Variants in ATP8B3 observed in about 807,000 individuals in gnomAD.
ATP8B3 encodes the protein phospholipid-transporting ATPase IK.
A neutral mutation model predicts 140.9 loss-of-function variants in ATP8B3; 141 were observed. The observed-to-expected ratio is 1.00, with a 90% CI of 0.87 to 1.15. ATP8B3 has a LOEUF of 1.15. Ranked by LOEUF, ATP8B3 falls within the 50% of genes most tolerant of loss-of-function variation. The probability of loss-of-function intolerance (pLI) is 0.00; values close to 1 mark genes in which losing one functional copy is unlikely to be tolerated. For synonymous variants in ATP8B3, 765 were observed against 714.6 expected, an observed-to-expected ratio of 1.07 and a Z score of -1.13; for missense variants, 1,874 against 1,740.6, an observed-to-expected ratio of 1.08 and a Z score of -1.36.
intron 2 of ATP8B3, 144 bp from the exon 3 acceptor site, chr19:1,810,827 T>A: frequency 1.4e-6 from 1 of 735,640 alleles, no homozygotes; most frequent in Non-Finnish European, 2.1e-6. Context: ...CGCCAGGCTC[T>A]GAATGTCCAG....
At position 1,806,289 on chromosome 19, in the gene ATP8B3, G is replaced by A. The variant is rs946524735; in HGVS notation, c.678-120C>T. 15 of 1,497,608 alleles carry A rather than the reference G, an allele frequency of 1.0e-5. No homozygotes were observed. The Admixed American group carries it at 3.2e-4, about 32-fold the overall frequency. The allele number at this position is 1,497,608 out of a possible 1,614,324, so 92.8% of individuals were successfully genotyped here. On this transcript the variant is annotated intron_variant, in intron 7 of 28. Coordinates refer to ENST00000310127, the MANE Select transcript of ATP8B3 (RefSeq NM_138813.4). The surrounding 1 kb of genome is among the most constrained non-coding windows in gnomAD (Gnocchi z 5.6). The stretch of plus-strand genomic sequence containing the variant: ...CTGCAGTCCCCACCTCCGGGCCTTT[G>A]CCCCCTCAGGAAGCCTTCCCCGGGC...
At chr19:1,803,316 C>G (rs902365503) in intron 10 of ATP8B3, among the ~76,000 whole-genome samples, 2 of 152,186 alleles carry the variant, frequency 1.3e-5, no homozygotes, top group Non-Finnish European at 2.9e-5. Context: ...CCTCACCTGC[C>G]TCCCCATCGC....
chr19:1,796,630 C>T, intron 16 of ATP8B3, 81 bp downstream of exon 16: 2 of 1,502,082 alleles, frequency 1.3e-6, no homozygotes, highest in South Asian at 1.3e-5. Flanking sequence ...GGAAGATGGG[C>T]CGGGTGAGCT....
rs1297962602 is a variant in ATP8B3, at chr19:1,805,162, A to G, written c.904+212T>C. Reference sequence around the variant, plus strand: ...AGCTACTTGTTTTATTTTTGTAGAGATGGGGTCTCGTTATGTTGTCCAGGC... The same window carrying G: ...AGCTACTTGTTTTATTTTTGTAGAGGTGGGGTCTCGTTATGTTGTCCAGGC... On this transcript the variant is annotated intron_variant, in intron 10 of 28. Coordinates refer to ENST00000310127, the MANE Select transcript of ATP8B3 (RefSeq NM_138813.4). This position sits in a 1 kb window ranked among gnomAD's most constrained non-coding sequence, Gnocchi z 5.2. 1 of 564,476 alleles carries G rather than the reference A, an allele frequency of 1.8e-6. No individual in the cohort carries two copies. Among genetic ancestry groups the G allele is most frequent in the South Asian group, 1.8e-5 (1 of 54,096 alleles). 35.0% of individuals were successfully genotyped at this position (564,476 alleles called of 1,614,324 possible).
chr19:1,787,934 A>G (rs752872670), intron 24 of ATP8B3, among the ~76,000 whole-genome samples: 34 of 150,578 alleles, frequency 2.3e-4, no homozygotes, highest in Non-Finnish European at 4.0e-4. Flanking sequence ...CTCAGCCACT[A>G]GAGGGGCTGA....
In ATP8B3 at chr19:1,805,889, C is replaced by T. The variant is rs377265267; in HGVS notation, c.820G>A (p.Gly274Arg). The part of the protein sequence containing the change: ...LCYVETVDID[G>R]ETNLKFRQAL... ...CCCAGCGATGCCACAGCTCCTCACC[C>T]GTCAATGTCCACCGTCTCCACATAG... Residue 274 changes from glycine to arginine, a missense_variant and splice_region_variant, in exon 9 of 29, where the codon GGG becomes AGG. Physicochemically the swap from Gly to Arg is moderately radical, Grantham distance 125 (BLOSUM62 -2). This residue lies in a region of ATP8B3 where 1,032 missense variants were observed against 963.6 expected (regional missense o/e 1.07). Transcript: ENST00000310127. This position sits in a 1 kb window ranked among gnomAD's most constrained non-coding sequence, Gnocchi z 5.2. The T allele has an allele frequency of 1.5e-5, 24 of 1,612,908 alleles. No homozygotes were observed. The highest frequency in any genetic ancestry group is 1.1e-4 in the South Asian group (10 of 91,088).
rs1221910012 is a variant in ATP8B3 at position 1,807,702 on chromosome 19, A to T, written c.517-436T>A. Among the ~76,000 whole-genome samples, 1 of 152,146 alleles carries T rather than the reference A, an allele frequency of 6.6e-6. No homozygotes were observed. Among genetic ancestry groups the T allele is most frequent in the Non-Finnish European group, 1.5e-5 (1 of 67,958 alleles). On this transcript the variant is annotated intron_variant, in intron 5 of 28. Transcript: ENST00000310127. The surrounding 1 kb of genome is among the most constrained non-coding windows in gnomAD (Gnocchi z 5.9). Reference sequence around the variant, plus strand: ...CCATTAATGCTGAATGACTCGATGGATGAAAGGAGAACCTCTCCATCCAGA... The same window carrying T: ...CCATTAATGCTGAATGACTCGATGGTTGAAAGGAGAACCTCTCCATCCAGA...
intron 14 of ATP8B3, among the ~76,000 whole-genome samples, chr19:1,797,259 C>T (rs1183358150): frequency 2.6e-5 from 4 of 151,722 alleles, no homozygotes; most frequent in East Asian, 1.9e-4. Flanking sequence ...CAGCCTGGAG[C>T]CGGATGCGGC....
chr19:1,799,954 G>T lies in ATP8B3; in HGVS notation c.1545C>A (p.Arg515=). The T allele has an allele frequency of 6.3e-7, 1 of 1,595,264 alleles. No individual in the cohort carries two copies. The part of the protein sequence containing the change: ...LTFNKCCISG[R]VYGPDSEATT... Reference sequence around the variant, plus strand: ...CAGGTGTCGGGGCCGCACCATAGACGCGGCCGCTGATGCAGCACTTGTTGA... The same window carrying T: ...CAGGTGTCGGGGCCGCACCATAGACTCGGCCGCTGATGCAGCACTTGTTGA... The change falls in exon 14 of 29, where the codon CGC becomes CGA. Residue 515 remains arginine, a synonymous_variant. Coordinates refer to ENST00000310127, the MANE Select transcript of ATP8B3 (RefSeq NM_138813.4).
intron 10 of ATP8B3, among the ~76,000 whole-genome samples, chr19:1,804,114 A>G (rs1255877153): frequency 6.6e-6 from 1 of 152,192 alleles, no homozygotes; most frequent in East Asian, 1.9e-4. Flanking sequence ...AAGAAAACCA[A>G]ACAAAACTGT....
chr19:1,792,176 C>T (rs895583654), intron 18 of ATP8B3, 41 bp from the exon 19 acceptor site: 11 of 1,525,154 alleles, frequency 7.2e-6, no homozygotes, highest in Admixed American at 4.0e-5. Context: ...ATGCTGAAGC[C>T]GACATCCGAG....
Position 1,807,987 on chromosome 19 carries a change from C to T in ATP8B3, c.516+235G>A, listed in dbSNP as rs1231614099. On this transcript the variant is annotated intron_variant, in intron 5 of 28. Transcript: ENST00000310127. The surrounding 1 kb of genome is among the most constrained non-coding windows in gnomAD (Gnocchi z 5.9). ...CCCAGCCCTGCCCAGCAGGAACCAGCGGGGCGTGGAGAGGGTGCCGTCATC... is the reference window on the plus strand; with the variant it reads ...CCCAGCCCTGCCCAGCAGGAACCAGTGGGGCGTGGAGAGGGTGCCGTCATC... 6.6e-6 allele frequency among the ~76,000 whole-genome samples: 1 copy of T among 152,216 alleles called. No homozygotes were observed. The highest frequency in any genetic ancestry group is 1.9e-4 in the East Asian group (1 of 5,184).
At position 1,783,273 on chromosome 19, in the gene ATP8B3, G is replaced by A; in HGVS notation, c.3661-3C>T. 1.2e-6 allele frequency: 2 copies of A among 1,605,930 alleles called. No homozygotes were observed. The highest frequency in any genetic ancestry group is 1.7e-6 in the Non-Finnish European group (2 of 1,176,332). On this transcript the variant is annotated splice_region_variant and splice_polypyrimidine_tract_variant and intron_variant, in intron 28 of 28. Coordinates refer to ENST00000310127, the MANE Select transcript of ATP8B3 (RefSeq NM_138813.4). ...GGGCCCTCCTCCACCTTCTCCTCCT[G>A]AAGAGCAAAGGGGAGAGCAGGGGAA...
intron 23 of ATP8B3, 95 bp from the exon 24 acceptor site, chr19:1,789,215 C>CAA: frequency 1.2e-6 from 1 of 851,630 alleles, no homozygotes; most frequent in Non-Finnish European, 1.7e-6. Context: ...ATCAGCCCCC[C>CAA]CCATCTGCTT....
In ATP8B3 at chr19:1,806,595, C is replaced by A; in HGVS notation, c.677+33G>T. 1 of 1,550,974 alleles carries A rather than the reference C, an allele frequency of 6.4e-7. No homozygotes were observed. The highest frequency in any genetic ancestry group is 1.2e-5 in the South Asian group (1 of 84,084). On this transcript the variant is annotated intron_variant, in intron 7 of 28. Transcript: ENST00000310127. This position sits in a 1 kb window ranked among gnomAD's most constrained non-coding sequence, Gnocchi z 5.6. ...CCTGCTGGGCTGGAGCCCCCGTGTCCCCGCGGATCCCCAGCTGCAGCCCCA... is the reference window on the plus strand; with the variant it reads ...CCTGCTGGGCTGGAGCCCCCGTGTCACCGCGGATCCCCAGCTGCAGCCCCA...
rs1474992076 is a variant in ATP8B3, at chr19:1,800,049, C to A, written c.1450G>T (p.Asp484Tyr). ...ATGTATTCCACCTGGCCCAGGTGGT[C>A]GTTGAGGCTGGTGCTGCGGGCCTTG... ...PAKARSTSLN[D>Y]HLGQVEYIFS... Residue 484 changes from aspartate to tyrosine, a missense_variant, in exon 14 of 29, where the codon GAC (aspartate) becomes TAC (tyrosine). Asp to Tyr is a radical substitution (Grantham distance 160). Transcript: ENST00000310127. The surrounding 1 kb of genome is among the most constrained non-coding windows in gnomAD (Gnocchi z 4.4). 3.1e-6 allele frequency: 5 copies of A among 1,598,628 alleles called. No homozygotes were observed. The highest frequency in any genetic ancestry group is 1.3e-5 in the African/African-American group (1 of 74,678).
chr19:1,790,982 T>C, intron 20 of ATP8B3, 150 bp from the exon 21 acceptor site: 1 of 686,986 alleles, frequency 1.5e-6, no homozygotes. Context: ...GAGAAGGGCT[T>C]GTAACCCAGG....
At position 1,785,398 on chromosome 19, in the gene ATP8B3, CA is replaced by C. The variant is rs549472469; in HGVS notation, c.3393+70del. 218 of 1,568,422 alleles carry C rather than the reference CA, an allele frequency of 1.4e-4. 2 individuals carry two copies. In the African/African-American group the frequency reaches 2.7e-3, roughly 19 times the overall value. On this transcript the variant is annotated intron_variant, in intron 26 of 28. Coordinates refer to ENST00000310127, the MANE Select transcript of ATP8B3 (RefSeq NM_138813.4). ...AGGGCACCTGGCAATGCCCCCAAAG[CA>C]GGGGTCCCCAGGGGAGGAGGCCTCC...
At chr19:1,792,278 G>T in intron 18 of ATP8B3, 143 bp from the exon 19 acceptor site, 1 of 1,020,628 alleles carries the variant, frequency 9.8e-7, no homozygotes, top group South Asian at 1.7e-5. Flanking sequence ...AGCCAGAAGG[G>T]ATTCAGAAAA....
Sources: gnomAD v4.1 joint callset for allele counts (sites outside exome capture counted in the v4.1 genomes callset) on GRCh38, gnomAD v4.1.1 for gene constraint, gnomAD v4.1.1 regional missense constraint, Gnocchi (gnomAD v3.1) non-coding constraint, MANE v1.5 for transcripts, NCBI Gene and HGNC (gene_info 2026-07-23, HGNC 2026-07-21) for gene names.